Variants in AHCTF1 observed in about 807,000 individuals in gnomAD.
AHCTF1 encodes the protein AT-hook containing transcription factor 1.
Under a neutral mutation model 248.4 loss-of-function variants are expected in AHCTF1, and 24 were observed. That is an observed-to-expected ratio of 0.10 (90% CI 0.07 to 0.14). The LOEUF is 0.14. AHCTF1 is among the 10% of genes least tolerant of loss of function. The pLI, the probability that AHCTF1 is intolerant of heterozygous loss-of-function variation, is 1.00. For missense variants in AHCTF1, 2,206 were observed against 2,636.2 expected, an observed-to-expected ratio of 0.84 and a Z score of 3.57; for synonymous variants, 786 against 929.8, an observed-to-expected ratio of 0.85 and a Z score of 2.81.
At chr1:246,842,305 G>A (rs1036300509) in intron 35 of AHCTF1, among the ~76,000 whole-genome samples, 2 of 151,914 alleles carry the variant, frequency 1.3e-5, no homozygotes, top group Non-Finnish European at 2.9e-5. Context: ...AACAAGGCTG[G>A]GTGCAGTGGC....
chr1:246,890,699 A>G lies in AHCTF1; in HGVS notation c.2050+257T>C, dbSNP rs560551915. Among the ~76,000 whole-genome samples the G allele has an allele frequency of 1.2e-4, 18 of 152,266 alleles. No individual in the cohort carries two copies. In the East Asian group the frequency reaches 3.3e-3, roughly 28 times the overall value. Reference sequence around the variant, plus strand: ...TAATATTGCTGAACTCATTTTCAGGAGCTATGTTTTCTCAAATTTGCTTTC... The same window carrying G: ...TAATATTGCTGAACTCATTTTCAGGGGCTATGTTTTCTCAAATTTGCTTTC... On this transcript the variant is annotated intron_variant, in intron 16 of 35. Coordinates refer to ENST00000648844, the MANE Select transcript of AHCTF1 (RefSeq NM_001323342.2).
chr1:246,884,957 C>G (rs1030244380), intron 21 of AHCTF1, among the ~76,000 whole-genome samples: 12 of 152,300 alleles, frequency 7.9e-5, no homozygotes, highest in African/African-American at 2.9e-4. Context: ...CATTCTTCCT[C>G]TCTATTCCTG....
chr1:246,916,493 A>T, intron 2 of AHCTF1, 98 bp from the exon 3 acceptor site: 1 of 1,057,032 alleles, frequency 9.5e-7, no homozygotes, highest in Non-Finnish European at 1.4e-6. Context: ...TCATTACATA[A>T]AACTTTACAT....
intron 1 of AHCTF1, among the ~76,000 whole-genome samples, chr1:246,920,262 C>T (rs1666444172): frequency 6.6e-6 from 1 of 151,262 alleles, no homozygotes. Flanking sequence ...TTGAAATTAC[C>T]AGAGATTAGA....
chr1:246,856,447 A>G (rs1195851573), intron 30 of AHCTF1, among the ~76,000 whole-genome samples: 1 of 152,206 alleles, frequency 6.6e-6, no homozygotes, highest in African/African-American at 2.4e-5. Flanking sequence ...TTTTACCATA[A>G]AAGTAACAGT....
intron 1 of AHCTF1, among the ~76,000 whole-genome samples, chr1:246,919,759 G>A (rs149944020): frequency 1.2e-4 from 18 of 151,078 alleles, no homozygotes; most frequent in Non-Finnish European, 2.2e-4. Flanking sequence ...TTTCAGGTTC[G>A]TTGCTCCAAG....
intron 8 of AHCTF1, among the ~76,000 whole-genome samples, chr1:246,902,100 G>A (rs932893570): frequency 6.6e-6 from 1 of 152,098 alleles, no homozygotes; most frequent in African/African-American, 2.4e-5. Flanking sequence ...TGATAGGGCT[G>A]GATTACGATA....
chr1:246,894,789 A>G (rs1347549723), intron 13 of AHCTF1, 41 bp from the exon 14 acceptor site: 18 of 1,537,176 alleles, frequency 1.2e-5, no homozygotes, highest in African/African-American at 2.7e-5. Flanking sequence ...AAGATTATTA[A>G]TTACAAACAG....
chr1:246,859,638 C>G (rs997744574), intron 29 of AHCTF1, among the ~76,000 whole-genome samples: 1 of 152,136 alleles, frequency 6.6e-6, no homozygotes, highest in South Asian at 2.1e-4. Flanking sequence ...GGCGCAATCA[C>G]GGCTCACTGC....
At chr1:246,926,523 A>C (rs995291382) in intron 1 of AHCTF1, among the ~76,000 whole-genome samples, 3 of 152,234 alleles carry the variant, frequency 2.0e-5, no homozygotes, top group Non-Finnish European at 2.9e-5. Context: ...AGACTTTTCC[A>C]ATTTAAGCAC....
intron 35 of AHCTF1, among the ~76,000 whole-genome samples, chr1:246,841,238 T>C (rs1659842389): frequency 6.6e-6 from 1 of 152,218 alleles, no homozygotes; most frequent in South Asian, 2.1e-4. Flanking sequence ...CAAACAATTA[T>C]TCAATTACTG....
At position 246,871,783 on chromosome 1, in the gene AHCTF1, C is replaced by A. The variant is rs982141298; in HGVS notation, c.3089-3972G>T. ...TTAAAAACATTACAGCTATTAGAGG[C>A]AGCAGTATAGCTACCTAAAAGGGTA... On this transcript the variant is annotated intron_variant, in intron 24 of 35. Transcript: ENST00000648844. 8.9e-4 allele frequency among the ~76,000 whole-genome samples: 135 copies of A among 152,036 alleles called. 2 individuals are homozygous for A. Among genetic ancestry groups the A allele is most frequent in the Non-Finnish European group, 1.2e-4 (8 of 67,996 alleles).
rs146772110 is a variant in AHCTF1, at chr1:246,880,435, G to A, written c.2661-3133C>T. 1.6e-3 allele frequency among the ~76,000 whole-genome samples: 244 copies of A among 151,610 alleles called. 1 individual carries two copies. The highest frequency in any genetic ancestry group is 5.5e-3 in the African/African-American group (229 of 41,374). On this transcript the variant is annotated intron_variant, in intron 21 of 35. Transcript: ENST00000648844. Reference sequence around the variant, plus strand: ...AAAAATTAGCTGGTCATGGTGGCACGTGCCTATAATCCCAGCTATTCAGGA... The same window carrying A: ...AAAAATTAGCTGGTCATGGTGGCACATGCCTATAATCCCAGCTATTCAGGA...
chr1:246,926,887 T>C (rs1666953824), intron 1 of AHCTF1, among the ~76,000 whole-genome samples: 1 of 145,968 alleles, frequency 6.9e-6, no homozygotes, highest in South Asian at 2.2e-4. Context: ...CAAACAAAAG[T>C]GTATGGCCGG....
Position 246,839,654 on chromosome 1 carries a change from G to C in AHCTF1, c.*1152C>G, listed in dbSNP as rs1418802117. Reference sequence around the variant, plus strand: ...TAAATGCAGAAAGCACACTGCATATGCTTCACATTAAAATATTAAAAGCCC... The same window carrying C: ...TAAATGCAGAAAGCACACTGCATATCCTTCACATTAAAATATTAAAAGCCC... On this transcript the variant is annotated 3_prime_UTR_variant, in exon 36 of 36. Coordinates refer to ENST00000648844, the MANE Select transcript of AHCTF1 (RefSeq NM_001323342.2). 1 of 702,702 alleles carries C rather than the reference G, an allele frequency of 1.4e-6. No homozygotes were observed. Among genetic ancestry groups the C allele is most frequent in the Non-Finnish European group, 1.7e-6 (1 of 571,538 alleles). The allele number at this position is 702,702 out of a possible 1,614,324, so 43.5% of individuals were successfully genotyped here.
Position 246,898,356 on chromosome 1 carries a change from A to C in AHCTF1, c.1495-20T>G. On this transcript the variant is annotated intron_variant, in intron 11 of 35. Coordinates refer to ENST00000648844, the MANE Select transcript of AHCTF1 (RefSeq NM_001323342.2). ...CAAAGTCTGTAACAGATAAATTAGT[A>C]AGGCATCAATCAATGCTCAATTTGA... 5 of 1,603,566 alleles carry C rather than the reference A, an allele frequency of 3.1e-6. No individual in the cohort carries two copies. Among genetic ancestry groups the C allele is most frequent in the Non-Finnish European group, 4.3e-6 (5 of 1,174,646 alleles).
At chr1:246,904,173 A>G (rs1290969812) in intron 6 of AHCTF1, 140 bp from the exon 7 acceptor site, 10 of 624,608 alleles carry the variant, frequency 1.6e-5, no homozygotes, top group African/African-American at 4.1e-5. Flanking sequence ...AGTTTTCGGT[A>G]ATTTTTATAA....
intron 4 of AHCTF1, among the ~76,000 whole-genome samples, chr1:246,908,323 C>A (rs200537262): frequency 9.4e-3 from 944 of 100,508 alleles, no homozygotes; most frequent in Middle Eastern, 0.016. Flanking sequence ...CACAGGGATA[C>A]AAAAAAAAAA....
intron 12 of AHCTF1, among the ~76,000 whole-genome samples, chr1:246,896,461 C>T (rs1294707692): frequency 6.6e-6 from 1 of 152,062 alleles, no homozygotes; most frequent in Admixed American, 6.5e-5. Context: ...CAAAAGACTT[C>T]ATATTATTTG....
Sources: gnomAD v4.1 joint callset for allele counts (sites outside exome capture counted in the v4.1 genomes callset) on GRCh38, gnomAD v4.1.1 for gene constraint, MANE v1.5 for transcripts, NCBI Gene and HGNC (gene_info 2026-07-23, HGNC 2026-07-21) for gene names.